Variants in MDGA2 observed in about 807,000 individuals in gnomAD.
MDGA2 encodes MAM domain containing glycosylphosphatidylinositol anchor 2.
Under a neutral mutation model 117.8 loss-of-function variants are expected in MDGA2, and 40 were observed. The ratio of observed to expected loss-of-function variants is 0.34; its 90% CI spans 0.26 to 0.44. The LOEUF is 0.44. Among genes scored for constraint, MDGA2 ranks in the 20% least tolerant of loss-of-function variants. The probability of loss-of-function intolerance (pLI) is 1.00; values close to 1 mark genes in which losing one functional copy is unlikely to be tolerated. For missense variants in MDGA2, 1,123 were observed against 1,250.6 expected, an observed-to-expected ratio of 0.90 and a Z score of 1.54; for synonymous variants, 452 against 439.0, an observed-to-expected ratio of 1.03 and a Z score of -0.37.
At chr14:47,500,137 C>A (rs989544491) in intron 1 of MDGA2, among the ~76,000 whole-genome samples, 4 of 151,900 alleles carry the variant, frequency 2.6e-5, no homozygotes, top group African/African-American at 4.8e-5. Flanking sequence ...TGGCTCATAC[C>A]CCTTCAATTC....
intron 8 of MDGA2, among the ~76,000 whole-genome samples, chr14:46,964,919 C>CTTTTTTATTTTTTTTTTTT (rs1885957144): frequency 1.1e-5 from 1 of 89,814 alleles, no homozygotes; most frequent in Non-Finnish European, 2.0e-5. Context: ...TATATATTTA[C>CTTTTTTATTTTTTTTTTTT]TTTTTTTTTT....
intron 14 of MDGA2, among the ~76,000 whole-genome samples, chr14:46,865,086 T>C (rs1881694120): frequency 6.6e-6 from 1 of 152,072 alleles, no homozygotes; most frequent in Non-Finnish European, 1.5e-5. Context: ...AGCAAGAATC[T>C]TGACATTTTG....
At chr14:46,902,976 C>A (rs1448174662) in intron 10 of MDGA2, among the ~76,000 whole-genome samples, 2 of 138,788 alleles carry the variant, frequency 1.4e-5, no homozygotes, top group Admixed American at 7.1e-5. Context: ...AATCTCCCAC[C>A]GGCCTACACA....
chr14:47,604,365 G>T (rs1234949664), intron 1 of MDGA2, among the ~76,000 whole-genome samples: 2 of 151,730 alleles, frequency 1.3e-5, no homozygotes, highest in African/African-American at 4.8e-5. Context: ...CACCCAGGCT[G>T]GAGTTCAGTG....
chr14:47,598,459 G>C (rs965478855), intron 1 of MDGA2, among the ~76,000 whole-genome samples: 18 of 152,144 alleles, frequency 1.2e-4, no homozygotes, highest in African/African-American at 4.1e-4. Context: ...TAAATAGAAA[G>C]TGATATATAC....
At chr14:47,280,734 T>A (rs1888460036) in intron 2 of MDGA2, among the ~76,000 whole-genome samples, 1 of 152,026 alleles carries the variant, frequency 6.6e-6, no homozygotes. Context: ...AGTAAGGCCA[T>A]ATATACTTAT....
chr14:47,184,336 A>G (rs982739424), intron 3 of MDGA2, among the ~76,000 whole-genome samples: 5 of 151,936 alleles, frequency 3.3e-5, no homozygotes, highest in Non-Finnish European at 7.4e-5. Flanking sequence ...GGGTAAAACA[A>G]TCAACCAGCT....
At chr14:47,129,866 G>GT (rs1566641328) in intron 5 of MDGA2, among the ~76,000 whole-genome samples, 1 of 148,462 alleles carries the variant, frequency 6.7e-6, no homozygotes, top group East Asian at 2.0e-4. Flanking sequence ...TTTTTCATGT[G>GT]TTTTTTGGCT....
At chr14:47,662,145 T>C (rs991089273) in intron 1 of MDGA2, among the ~76,000 whole-genome samples, 15 of 152,154 alleles carry the variant, frequency 9.9e-5, no homozygotes, top group African/African-American at 3.6e-4. Context: ...GACTGCATAC[T>C]CTGTTGCCAA....
chr14:46,931,613 C>A (rs1257429671), intron 9 of MDGA2, among the ~76,000 whole-genome samples: 1 of 150,952 alleles, frequency 6.6e-6, no homozygotes, highest in African/African-American at 2.4e-5. Context: ...ACCTCTGCCT[C>A]CTGGGTTCCA....
intron 1 of MDGA2, among the ~76,000 whole-genome samples, chr14:47,657,989 T>C (rs999517063): frequency 6.6e-6 from 1 of 152,110 alleles, no homozygotes; most frequent in Non-Finnish European, 1.5e-5. Flanking sequence ...TCTCATGACA[T>C]ATGTAGGGTA....
At chr14:47,360,354 A>AAAAAAAATAAAT (rs1555376181) in intron 1 of MDGA2, among the ~76,000 whole-genome samples, 7 of 139,972 alleles carry the variant, frequency 5.0e-5, no homozygotes, top group Admixed American at 7.4e-5. Flanking sequence ...TCCATCTCAA[A>AAAAAAAATAAAT]AAATAAATAA....
At chr14:47,185,587 T>A (rs1189648009) in intron 3 of MDGA2, among the ~76,000 whole-genome samples, 1 of 151,514 alleles carries the variant, frequency 6.6e-6, no homozygotes, top group Admixed American at 6.6e-5. Flanking sequence ...GAGTCAAAAC[T>A]GTAAAAAGAA....
intron 8 of MDGA2, among the ~76,000 whole-genome samples, chr14:46,975,879 G>A (rs964019202): frequency 6.6e-6 from 1 of 152,074 alleles, no homozygotes; most frequent in Non-Finnish European, 1.5e-5. Context: ...GCATGTGGAA[G>A]GAGCAAGACA....
At chr14:46,916,925 TAA>T (rs1309080944) in intron 10 of MDGA2, among the ~76,000 whole-genome samples, 1 of 151,796 alleles carries the variant, frequency 6.6e-6, no homozygotes, top group African/African-American at 2.4e-5. Context: ...CAGTGGCAGG[TAA>T]AGAGTTAGCT....
At chr14:46,890,725 C>T (rs1489538258) in intron 10 of MDGA2, among the ~76,000 whole-genome samples, 1 of 151,948 alleles carries the variant, frequency 6.6e-6, no homozygotes, top group Non-Finnish European at 1.5e-5. Context: ...AAAGGCCTTG[C>T]AAGTATACTT....
chr14:47,596,223 T>C (rs1896539679), intron 1 of MDGA2, among the ~76,000 whole-genome samples: 1 of 152,200 alleles, frequency 6.6e-6, no homozygotes, highest in Non-Finnish European at 1.5e-5. Flanking sequence ...AAATTTAAAG[T>C]TAAATAAAAA....
rs897341912 is a variant in MDGA2 at position 47,456,007 on chromosome 14, G to GTAAAA, written c.281-154462_281-154458dup. Among the ~76,000 whole-genome samples, 8 of 150,748 alleles carry GTAAAA rather than the reference G, an allele frequency of 5.3e-5. No homozygotes were observed. In the East Asian group the frequency reaches 7.8e-4, roughly 15 times the overall value. On this transcript the variant is annotated intron_variant, in intron 1 of 16. Transcript: ENST00000399232. ...GTGAGACTCTGTCTCAAAAAATAAAGTAAAATAAAATAAAATAAAATAAAA... is the reference window on the plus strand; with the variant it reads ...GTGAGACTCTGTCTCAAAAAATAAAGTAAAATAAAATAAAATAAAATAAAATAAAA...
chr14:47,310,383 T>C (rs369158007), intron 1 of MDGA2, among the ~76,000 whole-genome samples: 13 of 152,170 alleles, frequency 8.5e-5, no homozygotes, highest in African/African-American at 3.1e-4. Context: ...TCCCTGTCTC[T>C]ACCTGGCTGT....
Sources: allele counts gnomAD v4.1 joint callset (sites outside exome capture counted in the v4.1 genomes callset), GRCh38; gene constraint gnomAD v4.1.1; transcripts MANE v1.5; gene names NCBI Gene and HGNC (gene_info 2026-07-23, HGNC 2026-07-21).